The following QPCTL variants were observed in gnomAD, a reference collection of about 807,000 sequenced individuals.
QPCTL encodes glutaminyl-peptide cyclotransferase-like protein.
Under a neutral mutation model 34.6 loss-of-function variants are expected in QPCTL, and 31 were observed. The observed-to-expected ratio is 0.90, with a 90% CI of 0.67 to 1.21. QPCTL has a LOEUF of 1.21. QPCTL is among the 50% of genes most tolerant of loss of function. The pLI is 0.00. For synonymous variants in QPCTL, 223 were observed against 226.9 expected (o/e 0.98, Z 0.15); for missense variants, 474 against 507.8 (o/e 0.93, Z 0.64).
intron 3 of QPCTL, among the ~76,000 whole-genome samples, chr19:45,696,521 C>T (rs927232555): frequency 8.6e-5 from 13 of 151,264 alleles, no homozygotes; most frequent in Non-Finnish European, 1.6e-4. Flanking sequence ...ACCCGGGAGG[C>T]GGAGGTTGCA....
chr19:45,701,751 C>G, intron 5 of QPCTL, 47 bp from the exon 6 acceptor site: 1 of 1,444,804 alleles, frequency 6.9e-7, no homozygotes. Context: ...TGGGGACCTT[C>G]GACTACTAAG....
At chr19:45,698,042 A>G (rs1417746262) in intron 3 of QPCTL, among the ~76,000 whole-genome samples, 1 of 152,092 alleles carries the variant, frequency 6.6e-6, no homozygotes, top group African/African-American at 2.4e-5. Context: ...CAGGAGTTCG[A>G]GACCAGCCTG....
chr19:45,702,979 T>A lies in QPCTL; in HGVS notation c.1079T>A (p.Leu360His), dbSNP rs1350151075. The part of the protein sequence containing the change: ...WHTPADTEVN[L>H]HPPTVHNLCR... ...ACCCCTGCGGACACCGAGGTCAATC[T>A]CCACCCACCCACGGTACACAACTTG... Residue 360 changes from leucine to histidine, a missense_variant, in exon 7 of 7, where the codon CTC (leucine) becomes CAC (histidine). Transcript: ENST00000012049. 1 of 1,613,968 alleles carries A rather than the reference T, an allele frequency of 6.2e-7. No homozygotes were observed. The highest frequency in any genetic ancestry group is 1.7e-5 in the Admixed American group (1 of 59,968).
chr19:45,699,218 A>T (rs1344176158), intron 5 of QPCTL, among the ~76,000 whole-genome samples: 1 of 151,780 alleles, frequency 6.6e-6, no homozygotes, highest in Non-Finnish European at 1.5e-5. Context: ...ATTTTAGTAG[A>T]GACAGAGTTT....
chr19:45,692,730 C>T lies in QPCTL; in HGVS notation c.27C>T (p.Pro9=), dbSNP rs746112979. 7 of 1,561,072 alleles carry T rather than the reference C, an allele frequency of 4.5e-6. No individual in the cohort carries two copies. The highest frequency in any genetic ancestry group is 3.4e-4 in the Middle Eastern group (2 of 5,810). The part of the protein sequence containing the change: MRSGGRGR[P]RLRLGERGLM... ...TGCGTTCCGGGGGCCGCGGGCGACC[C>T]CGCCTGCGGCTGGGGGAACGTGGCC... The change falls in exon 1 of 7, where the codon CCC becomes CCT. Residue 9 remains proline, a synonymous_variant. Coordinates refer to ENST00000012049, the MANE Select transcript of QPCTL (RefSeq NM_017659.4).
Position 45,703,047 on chromosome 19 carries a change from T to C in QPCTL, c.1147T>C (p.Ter383GlnextTer28), listed in dbSNP as rs1299498392. ...AVFLAEYLGL[*>Q] is the part of the protein sequence containing the mutation. ...GTTCCTGGCTGAATACCTGGGGCTC[T>C]AGCGTGCTTGGCCAATGACTGTGGA... Residue 383 changes from the stop codon to glutamine, a stop_lost, in exon 7 of 7, where the codon TAG becomes CAG. Transcript: ENST00000012049. 3.1e-6 allele frequency: 5 copies of C among 1,614,192 alleles called. No homozygotes were observed. The highest frequency in any genetic ancestry group is 4.2e-6 in the Non-Finnish European group (5 of 1,180,028).
chr19:45,695,803 C>A (rs1167324322), intron 3 of QPCTL, 85 bp downstream of exon 3: 9 of 1,425,356 alleles, frequency 6.3e-6, no homozygotes, highest in African/African-American at 1.4e-5. Context: ...CATTTGTCAT[C>A]CCTCTCGTCT....
At chr19:45,700,729 G>A (rs1967792849) in intron 5 of QPCTL, among the ~76,000 whole-genome samples, 2 of 151,998 alleles carry the variant, frequency 1.3e-5, no homozygotes, top group Non-Finnish European at 2.9e-5. Context: ...GGGAGGCCGA[G>A]GTGGGCGAAT....
At chr19:45,693,598 A>T (rs184728199) in intron 2 of QPCTL, 42 bp downstream of exon 2, 31 of 1,545,590 alleles carry the variant, frequency 2.0e-5, no homozygotes, top group Non-Finnish European at 2.7e-5. Flanking sequence ...CTAGCCCTCC[A>T]GGGAATGGGA....
chr19:45,703,176 T>A lies in QPCTL; in HGVS notation c.*127T>A. ...TTTTCATACCTTTGTCTCCTAATTG[T>A]GCTACAATTGGAAGACCTTCTTTCT... On this transcript the variant is annotated 3_prime_UTR_variant, in exon 7 of 7. Transcript: ENST00000012049. 1 of 1,211,610 alleles carries A rather than the reference T, an allele frequency of 8.3e-7. No homozygotes were observed. Among genetic ancestry groups the A allele is most frequent in the South Asian group, 1.5e-5 (1 of 67,646 alleles). 75.1% of individuals were successfully genotyped at this position (1,211,610 alleles called of 1,614,324 possible). A position where few individuals can be genotyped will look rare whatever the true frequency, so the allele number is the denominator to read the frequency against.
At chr19:45,697,994 G>A (rs1967731920) in intron 3 of QPCTL, among the ~76,000 whole-genome samples, 1 of 152,240 alleles carries the variant, frequency 6.6e-6, no homozygotes, top group East Asian at 1.9e-4. Flanking sequence ...TGTAATCCCA[G>A]CACTTTGGGA....
In QPCTL at chr19:45,695,714, A is replaced by G. The variant is rs777099724; in HGVS notation, c.629A>G (p.Lys210Arg). 2.5e-6 allele frequency: 4 copies of G among 1,607,316 alleles called. No homozygotes were observed. Among genetic ancestry groups the G allele is most frequent in the Non-Finnish European group, 3.4e-6 (4 of 1,178,180 alleles). Residue 210 changes from lysine (K) to arginine (R), a missense_variant, in exon 3 of 7, where the codon AAA becomes AGA. Transcript: ENST00000012049. ...ALDLELSRAK[K>R]QAAPVTLQLL... ...GACCTGGAGCTGAGCAGGGCCAAAA[A>G]ACAGGTGAGGAGCAGGAGTCGGGGA...
At chr19:45,702,535 G>A (rs568409571) in intron 6 of QPCTL, among the ~76,000 whole-genome samples, 37 of 151,838 alleles carry the variant, frequency 2.4e-4, no homozygotes, top group Non-Finnish European at 3.8e-4. Flanking sequence ...AGCCTGAGGC[G>A]GGCAGATCAC....
chr19:45,698,571 C>T lies in QPCTL; in HGVS notation c.658C>T (p.Leu220Phe). 1 of 1,614,140 alleles carries T rather than the reference C, an allele frequency of 6.2e-7. No homozygotes were observed. Among genetic ancestry groups the T allele is most frequent in the Non-Finnish European group, 8.5e-7 (1 of 1,180,010 alleles). Reference protein sequence around the residue: ...KQAAPVTLQLLFLDGEEALKE... With the variant: ...KQAAPVTLQLFFLDGEEALKE... ...GGCAGCCCCGGTGACCCTGCAACTG[C>T]TCTTCTTGGATGGTGAAGAGGCGCT... The change falls in exon 4 of 7, where the codon CTC (leucine) becomes TTC (phenylalanine). Residue 220 changes from leucine (L) to phenylalanine (F), a missense_variant. Leu to Phe is a conservative substitution (Grantham distance 22). Transcript: ENST00000012049.
At chr19:45,698,393 C>T in intron 3 of QPCTL, 154 bp from the exon 4 acceptor site, 1 of 906,172 alleles carries the variant, frequency 1.1e-6, no homozygotes, top group Non-Finnish European at 1.6e-6. Context: ...TCCCAGACAA[C>T]TGACTCGGAA....
At chr19:45,693,010 T>TA in intron 1 of QPCTL, 100 bp downstream of exon 1, 2 of 1,231,374 alleles carry the variant, frequency 1.6e-6, no homozygotes, top group Admixed American at 5.3e-5. Flanking sequence ...TAACCGCAGA[T>TA]GCCACCGTCT....
intron 3 of QPCTL, among the ~76,000 whole-genome samples, chr19:45,696,150 C>T (rs562280604): frequency 6.6e-6 from 1 of 152,108 alleles, no homozygotes; most frequent in Admixed American, 6.6e-5. Context: ...GGCCCACGAG[C>T]TGTGCCCTGT....
chr19:45,695,949 C>CA (rs1967686108), intron 3 of QPCTL, among the ~76,000 whole-genome samples: 1 of 151,848 alleles, frequency 6.6e-6, no homozygotes, highest in Non-Finnish European at 1.5e-5. Context: ...TGGGTTCAAG[C>CA]AATTCTCCTC....
Position 45,693,494 on chromosome 19 carries a change from T to C in QPCTL, c.289T>C (p.Tyr97His). 4 of 1,613,076 alleles carry C rather than the reference T, an allele frequency of 2.5e-6. No individual in the cohort carries two copies. Among genetic ancestry groups the C allele is most frequent in the Non-Finnish European group, 3.4e-6 (4 of 1,179,512 alleles). Residue 97 changes from tyrosine (Y) to histidine (H), a missense_variant, in exon 2 of 7, where the codon TAT becomes CAT. By Grantham distance (83) the Tyr-to-His change is moderately conservative. Coordinates refer to ENST00000012049, the MANE Select transcript of QPCTL (RefSeq NM_017659.4). ...GGATCCACAGCGTCTCTGGAGCACTTATCTGCGCCCCCTGCTGGTTGTGCG... is the reference window on the plus strand; with the variant it reads ...GGATCCACAGCGTCTCTGGAGCACTCATCTGCGCCCCCTGCTGGTTGTGCG... ...QLDPQRLWST[Y>H]LRPLLVVRTP...
Sources: allele counts gnomAD v4.1 joint callset (sites outside exome capture counted in the v4.1 genomes callset), GRCh38; gene constraint gnomAD v4.1.1; transcripts MANE v1.5; gene names NCBI Gene and HGNC (gene_info 2026-07-23, HGNC 2026-07-21).